MGAT1: variants seen among roughly 807,000 people sequenced by gnomAD.
The protein encoded by MGAT1 is alpha-1,3-mannosyl-glycoprotein 2-beta-N-acetylglucosaminyltransferase, also known as N-glycosyl-oligosaccharide-glycoprotein N-acetylglucosaminyltransferase I.
A neutral mutation model predicts 31.7 loss-of-function variants in MGAT1; 14 were observed. The ratio of observed to expected loss-of-function variants is 0.44; its 90% CI spans 0.29 to 0.69. MGAT1 has a LOEUF of 0.69. Among genes scored for constraint, MGAT1 ranks in the 30% least tolerant of loss-of-function variants. The probability of loss-of-function intolerance (pLI) is 0.12; values close to 1 mark genes in which losing one functional copy is unlikely to be tolerated. For missense variants in MGAT1, 557 were observed against 626.0 expected, an observed-to-expected ratio of 0.89 and a Z score of 1.18; for synonymous variants, 338 against 276.0, an observed-to-expected ratio of 1.22 and a Z score of -2.23.
upstream of MGAT1, among the ~76,000 whole-genome samples, chr5:180,805,978 ATAAT>A (rs1457105450): frequency 2.6e-5 from 4 of 152,034 alleles, no homozygotes; most frequent in African/African-American, 9.7e-5. Context: ...AAGGATATAA[ATAAT>A]TAATTGAGTT....
chr5:180,804,259 C>T (rs186894637), upstream of MGAT1, among the ~76,000 whole-genome samples: 2 of 152,366 alleles, frequency 1.3e-5, no homozygotes, highest in African/African-American at 4.8e-5. Context: ...GTGCTGCAAG[C>T]CACCAGACCT....
chr5:180,807,333 C>T (rs1772001631), upstream of MGAT1, among the ~76,000 whole-genome samples: 1 of 152,158 alleles, frequency 6.6e-6, no homozygotes, highest in South Asian at 2.1e-4. Context: ...TGCTCTACCC[C>T]TCCTTTCTGC....
chr5:180,796,981 G>A, intron 1 of MGAT1, among the ~76,000 whole-genome samples: 1 of 152,080 alleles, frequency 6.6e-6, no homozygotes, highest in East Asian at 1.9e-4. Context: ...CCAATCTAAT[G>A]GCCAGGATTC....
chr5:180,806,400 G>A (rs530529795), upstream of MGAT1, among the ~76,000 whole-genome samples: 1 of 152,342 alleles, frequency 6.6e-6, no homozygotes, highest in East Asian at 1.9e-4. Flanking sequence ...AAAGCCAATG[G>A]TTGTCTTGAA....
chr5:180,797,429 AG>A (rs796983204), intron 1 of MGAT1, among the ~76,000 whole-genome samples: 1,441 of 90,400 alleles, frequency 0.016, 18 homozygotes, highest in East Asian at 0.047. Context: ...AAAAAAAAAA[AG>A]GGGGGGGGGG....
intron 1 of MGAT1, among the ~76,000 whole-genome samples, chr5:180,799,819 A>G (rs2113414246): frequency 6.6e-6 from 1 of 152,194 alleles, no homozygotes; most frequent in African/African-American, 2.4e-5. Flanking sequence ...GTGACTTGTG[A>G]GACTAACTCA....
rs147939341 is a variant in MGAT1 at position 180,788,334 on chromosome 5, GC to G, written c.*3299del. ...GCAGGCCCCAAACTCTACTCCTCCC[GC>G]CATCTCTCCTGGACCTCCCCGAGCC... On this transcript the variant is annotated 3_prime_UTR_variant, in exon 2 of 2. Coordinates refer to ENST00000307826, the MANE Select transcript of MGAT1 (RefSeq NM_002406.4). 31,083 of 151,802 alleles carry G rather than the reference GC, an allele frequency of 0.2. 4,442 individuals carry two copies. Among genetic ancestry groups the G allele is most frequent in the African/African-American group, 0.4 (16,615 of 41,046 alleles). 9.4% of individuals were successfully genotyped at this position (151,802 alleles called of 1,614,324 possible). A position where few individuals can be genotyped will look rare whatever the true frequency, so the allele number is the denominator to read the frequency against.
At position 180,791,580 on chromosome 5, in the gene MGAT1, T is replaced by A. The variant is rs1055410307; in HGVS notation, c.*54A>T. ...GGCCGATGCAGCCTGGGGACTGTGG[T>A]CCCACCTCAGCTCATGATGTGGCAA... On this transcript the variant is annotated 3_prime_UTR_variant, in exon 2 of 2. Coordinates refer to ENST00000307826, the MANE Select transcript of MGAT1 (RefSeq NM_002406.4). 1.3e-6 allele frequency: 2 copies of A among 1,581,932 alleles called. No individual in the cohort carries two copies. The highest frequency in any genetic ancestry group is 1.7e-6 in the Non-Finnish European group (2 of 1,163,084).
chr5:180,813,927 T>C lies in MGAT1; in HGVS notation c.-546+1487A>G, dbSNP rs951878823. Among the ~76,000 whole-genome samples the C allele has an allele frequency of 6.6e-5, 10 of 152,324 alleles. No individual in the cohort carries two copies. The South Asian group carries it at 8.3e-4, about 13-fold the overall frequency. On this transcript the variant is annotated intron_variant, in intron 1 of 2. Transcript: ENST00000333055. ...CTACCTACAGTCCCCACCAAACTTATGTATCAGGGCTTCCCATCCTGGCTG... is the reference window on the plus strand; with the variant it reads ...CTACCTACAGTCCCCACCAAACTTACGTATCAGGGCTTCCCATCCTGGCTG...
At chr5:180,807,003 G>A (rs902154896), upstream of MGAT1, among the ~76,000 whole-genome samples, 1 of 152,246 alleles carries the variant, frequency 6.6e-6, no homozygotes, top group African/African-American at 2.4e-5. Flanking sequence ...CCAGACCAGA[G>A]GAGAAAGTAC....
At chr5:180,797,493 C>G (rs935437250) in intron 1 of MGAT1, among the ~76,000 whole-genome samples, 1 of 150,042 alleles carries the variant, frequency 6.7e-6, no homozygotes, top group Non-Finnish European at 1.5e-5. Context: ...GCCCTTATGG[C>G]AAAGCCTCCT....
rs1391132055 is a variant in MGAT1, at chr5:180,789,686, G to A, written c.*1948C>T. 1 of 152,176 alleles carries A rather than the reference G, an allele frequency of 6.6e-6. No individual in the cohort carries two copies. The highest frequency in any genetic ancestry group is 1.5e-5 in the Non-Finnish European group (1 of 68,080). The allele number at this position is 152,176 out of a possible 1,614,324, so 9.4% of individuals were successfully genotyped here. On this transcript the variant is annotated 3_prime_UTR_variant, in exon 2 of 2. Transcript: ENST00000307826. ...TCTGTCGCCCAGGCTGGAGTGCAGT[G>A]GTATGATCTTGGATTACTGCAACCT...
intron 2 of MGAT1, among the ~76,000 whole-genome samples, chr5:180,808,148 G>C (rs1286613643): frequency 6.6e-6 from 1 of 152,096 alleles, no homozygotes; most frequent in Non-Finnish European, 1.5e-5. Flanking sequence ...CTCTTTTCCC[G>C]AGCTTTCATG....
upstream of MGAT1, among the ~76,000 whole-genome samples, chr5:180,805,153 G>A (rs868475785): frequency 2.6e-5 from 4 of 152,138 alleles, no homozygotes; most frequent in African/African-American, 9.7e-5. Flanking sequence ...CAAGGGGCCA[G>A]GATTCTGGGG....
rs1206735948 is a variant in MGAT1 at position 180,788,265 on chromosome 5, C to G, written c.*3369G>C. On this transcript the variant is annotated 3_prime_UTR_variant, in exon 2 of 2. Coordinates refer to ENST00000307826, the MANE Select transcript of MGAT1 (RefSeq NM_002406.4). ...TGAAGGTGCTCCTTGCTTCAGGAGCCTGAGAACCCAGTCTTTCGTCTTGTA... is the reference window on the plus strand; with the variant it reads ...TGAAGGTGCTCCTTGCTTCAGGAGCGTGAGAACCCAGTCTTTCGTCTTGTA... 6.6e-6 allele frequency: 1 copy of G among 152,386 alleles called. No homozygotes were observed. Among genetic ancestry groups the G allele is most frequent in the Non-Finnish European group, 1.5e-5 (1 of 68,154 alleles). The allele number at this position is 152,386 out of a possible 1,614,324, so 9.4% of individuals were successfully genotyped here. A position where few individuals can be genotyped will look rare whatever the true frequency, so the allele number is the denominator to read the frequency against.
In MGAT1 at chr5:180,784,933, TA is replaced by T. The variant is rs1767472615; in HGVS notation, c.*6700del. 1 of 152,286 alleles carries T rather than the reference TA, an allele frequency of 6.6e-6. No individual in the cohort carries two copies. Among genetic ancestry groups the T allele is most frequent in the Admixed American group, 6.5e-5 (1 of 15,290 alleles). 9.4% of individuals were successfully genotyped at this position (152,286 alleles called of 1,614,324 possible). ...GTGGTACAGAAAATTATACGGTATATATTTGCCGTGTGGCAAAATATTCCTC... is the reference window on the plus strand; with the variant it reads ...GTGGTACAGAAAATTATACGGTATATTTTGCCGTGTGGCAAAATATTCCTC... On this transcript the variant is annotated 3_prime_UTR_variant, in exon 2 of 2. Transcript: ENST00000307826.
chr5:180,807,807 C>T (rs1285072593), intron 2 of MGAT1, among the ~76,000 whole-genome samples: 2 of 152,236 alleles, frequency 1.3e-5, no homozygotes, highest in Non-Finnish European at 2.9e-5. Flanking sequence ...CAGGGGCAGG[C>T]TTTTCACTAA....
In MGAT1 at chr5:180,791,443, T is replaced by C. The variant is rs1029315730; in HGVS notation, c.*191A>G. 24 of 718,972 alleles carry C rather than the reference T, an allele frequency of 3.3e-5. No individual in the cohort carries two copies. The African/African-American group carries it at 4.1e-4, about 12-fold the overall frequency. The allele number at this position is 718,972 out of a possible 1,614,324, so 44.5% of individuals were successfully genotyped here. A position where few individuals can be genotyped will look rare whatever the true frequency, so the allele number is the denominator to read the frequency against. ...GCAACATACCCTAGAATAGTTCCCC[T>C]GATCTGACTCCCTTGAGAACGGGAG... On this transcript the variant is annotated 3_prime_UTR_variant, in exon 2 of 2. Coordinates refer to ENST00000307826, the MANE Select transcript of MGAT1 (RefSeq NM_002406.4).
rs547177418 is a variant in MGAT1 at position 180,792,648 on chromosome 5, G to A, written c.324C>T (p.Ile108=). ...TGCTGCGGTCACAGGCGATGACCAG[G>A]ATGGGAATCACCGCCGGCGCGGGGG... is the stretch of plus-strand genomic sequence containing the variant. ...PVTPAPAVIP[I]LVIACDRSTV... The change falls in exon 2 of 2, where the codon ATC becomes ATT. Residue 108 remains isoleucine (I), a synonymous_variant. Transcript: ENST00000307826. 343 of 1,588,260 alleles carry A rather than the reference G, an allele frequency of 2.2e-4. 2 individuals carry two copies. The Admixed American group carries it at 5.8e-3, about 27-fold the overall frequency.
Sources: allele counts gnomAD v4.1 joint callset (sites outside exome capture counted in the v4.1 genomes callset), GRCh38; gene constraint gnomAD v4.1.1; transcripts MANE v1.5; gene names NCBI Gene and HGNC (gene_info 2026-07-23, HGNC 2026-07-21).